The following SCML4 variants were observed in gnomAD, a reference collection of about 807,000 sequenced individuals.
SCML4 encodes Scm polycomb group protein like 4, also known as sex comb on midleg-like protein 4.
A neutral mutation model predicts 41.1 loss-of-function variants in SCML4; 34 were observed. The observed-to-expected ratio is 0.83, with a 90% CI of 0.63 to 1.10. SCML4 has a LOEUF of 1.10. SCML4 is among the 50% of genes least tolerant of loss of function. The pLI is 0.00. For missense variants in SCML4, 522 were observed against 534.1 expected, an observed-to-expected ratio of 0.98 and a Z score of 0.22; for synonymous variants, 214 against 220.9, an observed-to-expected ratio of 0.97 and a Z score of 0.28.
upstream of SCML4, among the ~76,000 whole-genome samples, chr6:107,827,217 AAT>A (rs997460918): frequency 9.2e-4 from 135 of 147,170 alleles, 1 homozygote; most frequent in African/African-American, 3.0e-3. Flanking sequence ...TATTTATTTA[AAT>A]ATATCTTTAT....
At chr6:107,770,002 G>T (rs1248308160) in intron 2 of SCML4, among the ~76,000 whole-genome samples, 1 of 151,932 alleles carries the variant, frequency 6.6e-6, no homozygotes, top group African/African-American at 2.4e-5. Context: ...AACAATTTCT[G>T]GCTCCCCAGC....
intron 1 of SCML4, among the ~76,000 whole-genome samples, chr6:107,809,631 G>A (rs1784010641): frequency 6.6e-6 from 1 of 152,228 alleles, no homozygotes; most frequent in South Asian, 2.1e-4. Flanking sequence ...GATAGCTGGG[G>A]AAGCAGTGAT....
rs1399931518 is a variant in SCML4, at chr6:107,705,158, G to A, written c.*42C>T. The A allele has an allele frequency of 1.3e-6, 2 of 1,530,904 alleles. No individual in the cohort carries two copies. Among genetic ancestry groups the A allele is most frequent in the Non-Finnish European group, 1.8e-6 (2 of 1,128,084 alleles). The allele number at this position is 1,530,904 out of a possible 1,614,324, so 94.8% of individuals were successfully genotyped here. A position where few individuals can be genotyped will look rare whatever the true frequency, so the allele number is the denominator to read the frequency against. ...ATTGGTAAGGCAGAAGATAATCTTGGGATCTGTTGTTTTGGGTTTCGCTTC... is the reference window on the plus strand; with the variant it reads ...ATTGGTAAGGCAGAAGATAATCTTGAGATCTGTTGTTTTGGGTTTCGCTTC... On this transcript the variant is annotated 3_prime_UTR_variant, in exon 8 of 8. Coordinates refer to ENST00000369020, the MANE Select transcript of SCML4 (RefSeq NM_198081.5).
chr6:107,819,666 C>CA (rs56085566), intron 1 of SCML4, among the ~76,000 whole-genome samples: 2 of 130,622 alleles, frequency 1.5e-5, no homozygotes, highest in African/African-American at 5.7e-5. Flanking sequence ...ATGCAACTGC[C>CA]AAAAAAAAAA....
intron 1 of SCML4, among the ~76,000 whole-genome samples, chr6:107,776,511 A>G (rs147493303): frequency 7.1e-4 from 108 of 152,336 alleles, no homozygotes; most frequent in African/African-American, 2.4e-3. Flanking sequence ...AACTCCCCCA[A>G]AAAGTAAATT....
chr6:107,795,264 G>T (rs977034624), intron 1 of SCML4, among the ~76,000 whole-genome samples: 2 of 152,036 alleles, frequency 1.3e-5, no homozygotes, highest in Admixed American at 6.6e-5. Flanking sequence ...CTATATCCTT[G>T]GGGAAGATGA....
chr6:107,747,891 T>A (rs1306027877), intron 3 of SCML4, among the ~76,000 whole-genome samples: 1 of 152,162 alleles, frequency 6.6e-6, no homozygotes, highest in Non-Finnish European at 1.5e-5. Flanking sequence ...AATGAATAAA[T>A]TCCAACCCCC....
Position 107,737,625 on chromosome 6 carries a change from C to G in SCML4, c.682+7324G>C, listed in dbSNP as rs566676308. ...AGGACTCTGCCAGCCCACCCACACTCTATCACTCAGGGTGTGGCCCCCGCC... is the reference window on the plus strand; with the variant it reads ...AGGACTCTGCCAGCCCACCCACACTGTATCACTCAGGGTGTGGCCCCCGCC... On this transcript the variant is annotated intron_variant, in intron 5 of 7. Transcript: ENST00000369020. Among the ~76,000 whole-genome samples, 71 of 152,134 alleles carry G rather than the reference C, an allele frequency of 4.7e-4. 1 individual carries two copies. The South Asian group carries it at 7.9e-3, about 17-fold the overall frequency.
At chr6:107,742,689 T>C (rs1184696986) in intron 5 of SCML4, among the ~76,000 whole-genome samples, 2 of 152,148 alleles carry the variant, frequency 1.3e-5, no homozygotes, top group Non-Finnish European at 2.9e-5. Flanking sequence ...CCAAGACTAC[T>C]GTATCAAGCA....
At chr6:107,778,222 A>AAAAAAT (rs1554218145) in intron 1 of SCML4, among the ~76,000 whole-genome samples, 1 of 15,542 alleles carries the variant, frequency 6.4e-5, no homozygotes, top group African/African-American at 1.5e-4. Context: ...AAAAAAAAAA[A>AAAAAAT]ATATATATAT....
intron 2 of SCML4, among the ~76,000 whole-genome samples, chr6:107,761,117 G>A (rs545729322): frequency 1.9e-3 from 293 of 152,178 alleles, no homozygotes; most frequent in Non-Finnish European, 3.2e-3. Flanking sequence ...AATATGAGAA[G>A]TTTGAAACAT....
intron 5 of SCML4, among the ~76,000 whole-genome samples, chr6:107,742,622 C>T (rs1001212582): frequency 6.6e-6 from 1 of 151,972 alleles, no homozygotes; most frequent in East Asian, 1.9e-4. Flanking sequence ...ACCATATAGG[C>T]CAGGAGGGAA....
chr6:107,749,729 C>T lies in SCML4; in HGVS notation c.241G>A (p.Asp81Asn), dbSNP rs774375860. 1.2e-6 allele frequency: 2 copies of T among 1,614,040 alleles called. No individual in the cohort carries two copies. Among genetic ancestry groups the T allele is most frequent in the Admixed American group, 3.3e-5 (2 of 59,998 alleles). Residue 81 changes from aspartate to asparagine, a missense_variant, in exon 3 of 8, where the codon GAC becomes AAC. By Grantham distance (23) the Asp-to-Asn change is conservative. Coordinates refer to ENST00000369020, the MANE Select transcript of SCML4 (RefSeq NM_198081.5). ...PEPDLSSIPQ[D>N]AATVPSLAAP... ...GCCAAGCTGGGGACCGTGGCTGCGTCCTGAGGGATGGAGCTGAGGTCGGGC... is the reference window on the plus strand; with the variant it reads ...GCCAAGCTGGGGACCGTGGCTGCGTTCTGAGGGATGGAGCTGAGGTCGGGC...
At chr6:107,766,568 C>T (rs898966043) in intron 2 of SCML4, among the ~76,000 whole-genome samples, 4 of 152,204 alleles carry the variant, frequency 2.6e-5, no homozygotes, top group Non-Finnish European at 4.4e-5. Context: ...TCATTGTTTA[C>T]GCTCATTTTA....
In SCML4 at chr6:107,705,226, C is replaced by G; in HGVS notation, c.1219G>C (p.Asp407His). The change falls in exon 8 of 8, where the codon GAC (aspartate) becomes CAC (histidine). Residue 407 changes from aspartate (D) to histidine (H), a missense_variant. By Grantham distance (81) the Asp-to-His change is moderately conservative. Transcript: ENST00000369020. ...GPALKLCYHI[D>H]KLKQAKF ...CAGAACTTGGCTTGCTTCAGTTTGT[C>G]AATGTGGTAGCAGAGTTTCAGTGCA... is the stretch of plus-strand genomic sequence containing the variant. 6 of 1,551,636 alleles carry G rather than the reference C, an allele frequency of 3.9e-6. No homozygotes were observed. The highest frequency in any genetic ancestry group is 5.2e-6 in the Non-Finnish European group (6 of 1,146,964).
At chr6:107,813,576 C>T (rs1421696505) in intron 1 of SCML4, among the ~76,000 whole-genome samples, 1 of 151,474 alleles carries the variant, frequency 6.6e-6, no homozygotes, top group Non-Finnish European at 1.5e-5. Context: ...CAATCTCTAC[C>T]AAATGGAGGT....
intron 5 of SCML4, among the ~76,000 whole-genome samples, chr6:107,728,171 T>C (rs1776180699): frequency 6.6e-6 from 1 of 152,218 alleles, no homozygotes; most frequent in Non-Finnish European, 1.5e-5. Flanking sequence ...TATGCCTACA[T>C]AGTTCTGATA....
chr6:107,827,560 T>C (rs932705270), upstream of SCML4, among the ~76,000 whole-genome samples: 2 of 152,186 alleles, frequency 1.3e-5, no homozygotes, highest in Non-Finnish European at 2.9e-5. Context: ...ATGACTGGTA[T>C]TAGCTGAGGG....
chr6:107,706,530 G>A (rs1016958660), intron 7 of SCML4, among the ~76,000 whole-genome samples: 15 of 152,290 alleles, frequency 9.8e-5, no homozygotes, highest in African/African-American at 3.4e-4. Context: ...TGTGGAAGGC[G>A]GAATAATGCT....
Sources: gnomAD v4.1 joint callset for allele counts (sites outside exome capture counted in the v4.1 genomes callset) on GRCh38, gnomAD v4.1.1 for gene constraint, MANE v1.5 for transcripts, NCBI Gene and HGNC (gene_info 2026-07-23, HGNC 2026-07-21) for gene names.